Variants in FLG observed in about 807,000 individuals in gnomAD.
FLG encodes epidermal filaggrin.
Under a neutral mutation model 3.8 loss-of-function variants are expected in FLG, and 6 were observed. That is an observed-to-expected ratio of 1.60 (90% CI 0.87 to 3.15). FLG has a LOEUF of 3.15. Among genes scored for constraint, FLG ranks in the 30% most tolerant of loss-of-function variants. The probability of loss-of-function intolerance (pLI) is 0.00; values close to 1 mark genes in which losing one functional copy is unlikely to be tolerated. For synonymous variants in FLG, 2,551 were observed against 1,931.6 expected (o/e 1.32, Z -8.41); for missense variants, 7,595 against 5,050.9 (o/e 1.50, Z -15.27).
Position 152,304,012 on chromosome 1 carries a change from C to G in FLG, c.10874G>C (p.Arg3625Thr). 6.2e-7 allele frequency: 1 copy of G among 1,613,912 alleles called. No homozygotes were observed. Among genetic ancestry groups the G allele is most frequent in the Non-Finnish European group, 8.5e-7 (1 of 1,180,028 alleles). ...TGACTGCTGGTGGTGGGATCCATGT[C>G]TCTCTCCTGCACTTGATCTTGCCTG... ...HEQARSSAGE[R>T]HGSHHQQSAD... The change falls in exon 3 of 3, where the codon AGA (arginine) becomes ACA (threonine). Residue 3625 changes from arginine (R) to threonine (T), a missense_variant. Arg to Thr is a moderately conservative substitution (Grantham distance 71, BLOSUM62 -1). Coordinates refer to ENST00000368799, the MANE Select transcript of FLG (RefSeq NM_002016.2).
intron 1 of FLG, among the ~76,000 whole-genome samples, chr1:152,316,540 C>T (rs1263488413): frequency 1.3e-5 from 2 of 151,814 alleles, no homozygotes; most frequent in East Asian, 1.9e-4. Context: ...GTAAAATAGA[C>T]CATATCTTGC....
Position 152,302,530 on chromosome 1 carries a change from T to A in FLG, c.*170A>T. 1.2e-6 allele frequency: 1 copy of A among 810,608 alleles called. No individual in the cohort carries two copies. The highest frequency in any genetic ancestry group is 1.9e-5 in the South Asian group (1 of 54,038). 50.2% of individuals were successfully genotyped at this position (810,608 alleles called of 1,614,324 possible). On this transcript the variant is annotated 3_prime_UTR_variant, in exon 3 of 3. Coordinates refer to ENST00000368799, the MANE Select transcript of FLG (RefSeq NM_002016.2). ...ATTTCTGAAATATAGCGTTTAAAGATCATTACACAATAAAAATAAGCTACC... is the reference window on the plus strand; with the variant it reads ...ATTTCTGAAATATAGCGTTTAAAGAACATTACACAATAAAAATAAGCTACC...
Position 152,309,723 on chromosome 1 carries a change from G to T in FLG, c.5163C>A (p.Asp1721Glu). The T allele has an allele frequency of 6.2e-7, 1 of 1,614,046 alleles. No homozygotes were observed. The highest frequency in any genetic ancestry group is 8.5e-7 in the Non-Finnish European group (1 of 1,180,018). ...CTGACTCTTCTGAGTGTCCCTCGCT[G>T]TCACTGGCCTGGCTACCACTGGACC... is the stretch of plus-strand genomic sequence containing the variant. ...NRGSSGSQAS[D>E]SEGHSEESDT... Residue 1721 changes from aspartate to glutamate, a missense_variant, in exon 3 of 3, where the codon GAC becomes GAA. Asp to Glu is a conservative substitution (Grantham distance 45). Transcript: ENST00000368799.
chr1:152,304,248 C>G lies in FLG; in HGVS notation c.10638G>C (p.Gln3546His), dbSNP rs571430944. The G allele has an allele frequency of 6.2e-7, 1 of 1,613,258 alleles. No individual in the cohort carries two copies. Among genetic ancestry groups the G allele is most frequent in the East Asian group, 2.2e-5 (1 of 44,738 alleles). The change falls in exon 3 of 3, where the codon CAG (glutamine) becomes CAC (histidine). Residue 3546 changes from glutamine to histidine, a missense_variant. Coordinates refer to ENST00000368799, the MANE Select transcript of FLG (RefSeq NM_002016.2). ...GSSVSQDSDS[Q>H]GHSEDSERWS... Reference sequence around the variant, plus strand: ...ACCTCTCAGAGTCTTCTGAGTGTCCCTGACTGTCACTGTCCTGGCTAACAC... The same window carrying G: ...ACCTCTCAGAGTCTTCTGAGTGTCCGTGACTGTCACTGTCCTGGCTAACAC...
rs777426932 is a variant in FLG at position 152,314,191 on chromosome 1, T to C, written c.695A>G (p.His232Arg). ...RMTQKWIQSG[H>R]IATYYTIQDE... Reference sequence around the variant, plus strand: ...CTGGATTGTGTAATATGTGGCAATATGGCCTGATTGTATCCATTTTTGAGT... The same window carrying C: ...CTGGATTGTGTAATATGTGGCAATACGGCCTGATTGTATCCATTTTTGAGT... Residue 232 changes from histidine (H) to arginine (R), a missense_variant, in exon 3 of 3, where the codon CAT becomes CGT. Transcript: ENST00000368799. 5.0e-6 allele frequency: 8 copies of C among 1,614,152 alleles called. No individual in the cohort carries two copies. The South Asian group carries it at 7.7e-5, about 16-fold the overall frequency.
chr1:152,323,405 A>G lies in FLG; in HGVS notation c.-22+1784T>C, dbSNP rs1487604533. ...TATACAAAACACATTTAACCAATAAAGGAATCTGTCCTGAATATAAAAATA... is the reference window on the plus strand; with the variant it reads ...TATACAAAACACATTTAACCAATAAGGGAATCTGTCCTGAATATAAAAATA... On this transcript the variant is annotated intron_variant, in intron 1 of 2. Transcript: ENST00000368799. Among the ~76,000 whole-genome samples the G allele has an allele frequency of 3.9e-5, 6 of 151,938 alleles. No homozygotes were observed. In the East Asian group the frequency reaches 1.2e-3, roughly 29 times the overall value.
rs139456266 is a variant in FLG at position 152,311,057 on chromosome 1, C to A, written c.3829G>T (p.Glu1277Ter). The change falls in exon 3 of 3, where the codon GAG becomes TAG. Residue 1277 changes from glutamate (E) to a stop codon, truncating the protein, a stop_gained. Transcript: ENST00000368799. LOFTEE classifies it low-confidence loss of function (END_TRUNC). ...GSSVSQDSDS[E>*]RHSDDSERLS... is the part of the protein sequence containing the mutation. The stretch of plus-strand genomic sequence containing the variant: ...CTCTCGGAGTCGTCTGAGTGTCTCT[C>A]ACTGTCACTGTCCTGGCTAACACTG... The A allele has an allele frequency of 1.2e-6, 2 of 1,613,922 alleles. No homozygotes were observed. The highest frequency in any genetic ancestry group is 4.5e-5 in the East Asian group (2 of 44,840).
chr1:152,313,232 G>C lies in FLG; in HGVS notation c.1654C>G (p.Gln552Glu). ...CCATGGGAGGCATCAGACCTTCCCT[G>C]GGATGTGGTGTGGCTGTGATGGGAA... is the stretch of plus-strand genomic sequence containing the variant. ...SGSHHSHTTSQGRSDASHGQS... is the reference protein window; with the variant it reads ...SGSHHSHTTSEGRSDASHGQS... The change falls in exon 3 of 3, where the codon CAG (glutamine) becomes GAG (glutamate). Residue 552 changes from glutamine (Q) to glutamate (E), a missense_variant. Coordinates refer to ENST00000368799, the MANE Select transcript of FLG (RefSeq NM_002016.2). 5.6e-6 allele frequency: 9 copies of C among 1,613,868 alleles called. No individual in the cohort carries two copies. The highest frequency in any genetic ancestry group is 6.8e-6 in the Non-Finnish European group (8 of 1,180,016).
At position 152,304,784 on chromosome 1, in the gene FLG, G is replaced by A. The variant is rs1435450340; in HGVS notation, c.10102C>T (p.His3368Tyr). The A allele has an allele frequency of 3.1e-6, 5 of 1,613,882 alleles. No individual in the cohort carries two copies. Among genetic ancestry groups the A allele is most frequent in the Non-Finnish European group, 4.2e-6 (5 of 1,179,974 alleles). The change falls in exon 3 of 3, where the codon CAC becomes TAC. Residue 3368 changes from histidine to tyrosine, a missense_variant. His to Tyr is a moderately conservative substitution (Grantham distance 83). Coordinates refer to ENST00000368799, the MANE Select transcript of FLG (RefSeq NM_002016.2). ...HGQAGPHQQS[H>Y]QESARDRSGG... ...GACCGGTCACGTGCGGACTCTTGGT[G>A]GCTCTGCTGATGGGGCCCAGCCTGT...
rs750402119 is a variant in FLG at position 152,304,800 on chromosome 1, C to T, written c.10086G>A (p.Gly3362=). 3 of 1,613,860 alleles carry T rather than the reference C, an allele frequency of 1.9e-6. No homozygotes were observed. Among genetic ancestry groups the T allele is most frequent in the Non-Finnish European group, 2.5e-6 (3 of 1,179,964 alleles). ...TQSVSGHGQA[G]PHQQSHQESA... is the part of the protein sequence containing the mutation. The stretch of plus-strand genomic sequence containing the variant: ...ACTCTTGGTGGCTCTGCTGATGGGG[C>T]CCAGCCTGTCCATGGCCTGACACTG... Residue 3362 remains glycine (G), a synonymous_variant, in exon 3 of 3, where the codon GGG becomes GGA. Transcript: ENST00000368799.
At position 152,313,041 on chromosome 1, in the gene FLG, C is replaced by A. The variant is rs111379289; in HGVS notation, c.1845G>T (p.Arg615Ser). Residue 615 changes from arginine (R) to serine (S), a missense_variant, in exon 3 of 3, where the codon AGG becomes AGT. Coordinates refer to ENST00000368799, the MANE Select transcript of FLG (RefSeq NM_002016.2). Reference protein sequence around the residue: ...QGQSSGPRTSRNQGSSVSQDS... With the variant: ...QGQSSGPRTSSNQGSSVSQDS... ...CCTGGCTAACACTGGATCCCTGGTT[C>A]CTACTTGTCCTGGGCCCCGATGATT... 1.9e-6 allele frequency: 3 copies of A among 1,613,890 alleles called. No homozygotes were observed. The highest frequency in any genetic ancestry group is 2.7e-5 in the African/African-American group (2 of 74,810).
At position 152,308,399 on chromosome 1, in the gene FLG, G is replaced by T. The variant is rs754971075; in HGVS notation, c.6487C>A (p.His2163Asn). 2 of 1,613,794 alleles carry T rather than the reference G, an allele frequency of 1.2e-6. No individual in the cohort carries two copies. Among genetic ancestry groups the T allele is most frequent in the Non-Finnish European group, 8.5e-7 (1 of 1,179,896 alleles). ...HQEQSVDRSG[H>N]SGSHHSHTTS... ...GTGTGGCTGTGATGAGACCCTGAGT[G>T]TCCAGACCTATCTACCGATTGCTCT... Residue 2163 changes from histidine to asparagine, a missense_variant, in exon 3 of 3, where the codon CAC (histidine) becomes AAC (asparagine). Coordinates refer to ENST00000368799, the MANE Select transcript of FLG (RefSeq NM_002016.2).
Position 152,312,365 on chromosome 1 carries a change from T to C in FLG, c.2521A>G (p.Ile841Val). Residue 841 changes from isoleucine (I) to valine (V), a missense_variant, in exon 3 of 3, where the codon ATT becomes GTT. Coordinates refer to ENST00000368799, the MANE Select transcript of FLG (RefSeq NM_002016.2). ...CTGCTTGACCCCGGGTGTCCACGAA[T>C]GGTGTCCTGACCATCTTGGGATGCT... ...HSASQDGQDT[I>V]RGHPGSSRRG... is the part of the protein sequence containing the mutation. 6.2e-7 allele frequency: 1 copy of C among 1,611,618 alleles called. No homozygotes were observed.
Position 152,304,583 on chromosome 1 carries a change from G to C in FLG, c.10303C>G (p.Arg3435Gly). The C allele has an allele frequency of 6.2e-7, 1 of 1,610,518 alleles. No individual in the cohort carries two copies. The highest frequency in any genetic ancestry group is 8.5e-7 in the Non-Finnish European group (1 of 1,178,386). The change falls in exon 3 of 3, where the codon CGT becomes GGT. Residue 3435 changes from arginine (R) to glycine (G), a missense_variant. By Grantham distance (125) the Arg-to-Gly change is moderately radical. Coordinates refer to ENST00000368799, the MANE Select transcript of FLG (RefSeq NM_002016.2). ...CTTCTGCTTGACCCCGGGTGTCCAC[G>C]AATGGTGTCCTGACCCTCTTGGGAC... ...SASQEGQDTI[R>G]GHPGSSRRGR...
At position 152,311,593 on chromosome 1, in the gene FLG, C is replaced by T. The variant is rs971770177; in HGVS notation, c.3293G>A (p.Ser1098Asn). 1.2e-6 allele frequency: 2 copies of T among 1,613,982 alleles called. No homozygotes were observed. Among genetic ancestry groups the T allele is most frequent in the Non-Finnish European group, 1.7e-6 (2 of 1,180,044 alleles). ...CCAGTCACGTGCGGACTCTTGGTGG[C>T]TCTGCTGATGGGGCCCATCCTGTCC... ...GHGQDGPHQQ[S>N]HQESARDWSG... The change falls in exon 3 of 3, where the codon AGC becomes AAC. Residue 1098 changes from serine to asparagine, a missense_variant. By Grantham distance (46) the Ser-to-Asn change is conservative. Coordinates refer to ENST00000368799, the MANE Select transcript of FLG (RefSeq NM_002016.2).
Position 152,311,438 on chromosome 1 carries a change from G to T in FLG, c.3448C>A (p.Arg1150=), listed in dbSNP as rs755996559. Residue 1150 remains arginine, a synonymous_variant, in exon 3 of 3, where the codon CGA becomes AGA. Transcript: ENST00000368799. ...RRQGSHHEQA[R]DSSRHSASQE... Reference sequence around the variant, plus strand: ...GACGCTGAGTGCCTGGAGCTGTCTCGTGCCTGCTCGTGGTGGGATCCTTGT... The same window carrying T: ...GACGCTGAGTGCCTGGAGCTGTCTCTTGCCTGCTCGTGGTGGGATCCTTGT... 44 of 1,613,574 alleles carry T rather than the reference G, an allele frequency of 2.7e-5. No homozygotes were observed. The highest frequency in any genetic ancestry group is 3.6e-5 in the Non-Finnish European group (43 of 1,179,890).
rs1361702430 is a variant in FLG, at chr1:152,310,944, T to A, written c.3942A>T (p.Glu1314Asp). 6.2e-7 allele frequency: 1 copy of A among 1,614,058 alleles called. No individual in the cohort carries two copies. The highest frequency in any genetic ancestry group is 1.3e-5 in the African/African-American group (1 of 75,004). The change falls in exon 3 of 3, where the codon GAA (glutamate) becomes GAT (aspartate). Residue 1314 changes from glutamate (E) to aspartate (D), a missense_variant. Coordinates refer to ENST00000368799, the MANE Select transcript of FLG (RefSeq NM_002016.2). ...CAGAGTGCCCGTGACTGGCTCTGTCTTCTTGATGGAACCCAGGGTGTCTGG... is the reference window on the plus strand; with the variant it reads ...CAGAGTGCCCGTGACTGGCTCTGTCATCTTGATGGAACCCAGGGTGTCTGG... Reference protein sequence around the residue: ...DGSRHPGFHQEDRASHGHSAD... With the variant: ...DGSRHPGFHQDDRASHGHSAD...
rs143707744 is a variant in FLG at position 152,308,234 on chromosome 1, C to A, written c.6652G>T (p.Asp2218Tyr). 10 of 1,604,116 alleles carry A rather than the reference C, an allele frequency of 6.2e-6. No individual in the cohort carries two copies. The highest frequency in any genetic ancestry group is 8.5e-6 in the Non-Finnish European group (10 of 1,179,796). ...CCCACCAGTGAGTGTCTAGAGCTGT[C>A]GGCCCAAGAGGAAGCTTCATGATGA... is the stretch of plus-strand genomic sequence containing the variant. Reference protein sequence around the residue: ...SHHHEASSWADSSRHSLVGQG... With the variant: ...SHHHEASSWAYSSRHSLVGQG... The change falls in exon 3 of 3, where the codon GAC becomes TAC. Residue 2218 changes from aspartate to tyrosine, a missense_variant. Coordinates refer to ENST00000368799, the MANE Select transcript of FLG (RefSeq NM_002016.2).
In FLG at chr1:152,311,755, G is replaced by A; in HGVS notation, c.3131C>T (p.Ser1044Phe). Residue 1044 changes from serine (S) to phenylalanine (F), a missense_variant, in exon 3 of 3, where the codon TCC becomes TTC. By Grantham distance (155) the Ser-to-Phe change is radical. Coordinates refer to ENST00000368799, the MANE Select transcript of FLG (RefSeq NM_002016.2). ...GSRHQQSADS[S>F]RHSGIPRRQA... ...TCTGCGCGGAATGCCTGAGTGTCTGGAGCTGTCTGCTGACTGCTGGTGGCG... is the reference window on the plus strand; with the variant it reads ...TCTGCGCGGAATGCCTGAGTGTCTGAAGCTGTCTGCTGACTGCTGGTGGCG... 1 of 1,614,152 alleles carries A rather than the reference G, an allele frequency of 6.2e-7. No homozygotes were observed. Among genetic ancestry groups the A allele is most frequent in the Non-Finnish European group, 8.5e-7 (1 of 1,180,034 alleles).
Sources: allele counts gnomAD v4.1 joint callset (sites outside exome capture counted in the v4.1 genomes callset), GRCh38; gene constraint gnomAD v4.1.1; transcripts MANE v1.5; gene names NCBI Gene and HGNC (gene_info 2026-07-23, HGNC 2026-07-21).